The following LDAH variants were observed in gnomAD, a reference collection of about 807,000 sequenced individuals.
LDAH encodes lipid droplet-associated hydrolase.
A neutral mutation model predicts 29.6 loss-of-function variants in LDAH; 26 were observed. That is an observed-to-expected ratio of 0.88 (90% CI 0.64 to 1.22). The LOEUF (loss-of-function observed/expected upper bound fraction) is 1.22. LDAH is among the 50% of genes most tolerant of loss of function. The pLI is 0.00. For missense variants in LDAH, 344 were observed against 387.3 expected (o/e 0.89, Z 0.94); for synonymous variants, 117 against 133.0 (o/e 0.88, Z 0.83).
chr2:20,720,108 T>C (rs1359668495), intron 5 of LDAH, among the ~76,000 whole-genome samples: 2 of 151,998 alleles, frequency 1.3e-5, no homozygotes, highest in African/African-American at 4.8e-5. Context: ...AAGTCCTAGA[T>C]AGAGCAATTA....
At chr2:20,739,696 T>C (rs1255087103) in intron 5 of LDAH, among the ~76,000 whole-genome samples, 1 of 152,188 alleles carries the variant, frequency 6.6e-6, no homozygotes, top group Non-Finnish European at 1.5e-5. Context: ...ATATACTATG[T>C]ACTATATGCG....
chr2:20,821,533 A>G (rs1391553855), intron 1 of LDAH, among the ~76,000 whole-genome samples: 1 of 151,922 alleles, frequency 6.6e-6, no homozygotes, highest in Non-Finnish European at 1.5e-5. Context: ...ACCAAACACC[A>G]CATGTTCTCA....
In LDAH at chr2:20,687,127, A is replaced by C. The variant is rs1195489488; in HGVS notation, c.787-33T>G. ...ACAAGACAAAAACCTTTTATTAGAA[A>C]ACACGTTCCCTTCCTGACACAGATA... On this transcript the variant is annotated intron_variant, in intron 6 of 6. Coordinates refer to ENST00000237822, the MANE Select transcript of LDAH (RefSeq NM_021925.4). The C allele has an allele frequency of 1.9e-6, 3 of 1,570,044 alleles. No homozygotes were observed. In the African/African-American group the frequency reaches 4.1e-5, roughly 21 times the overall value.
chr2:20,731,883 T>A (rs1431296026), intron 5 of LDAH, among the ~76,000 whole-genome samples: 1 of 151,880 alleles, frequency 6.6e-6, no homozygotes, highest in African/African-American at 2.4e-5. Flanking sequence ...ATTTGATATA[T>A]TTTTATTCCC....
intron 6 of LDAH, among the ~76,000 whole-genome samples, chr2:20,689,520 G>GA (rs1440276006): frequency 6.6e-6 from 1 of 152,132 alleles, no homozygotes; most frequent in African/African-American, 2.4e-5. Context: ...TCCACTAGTA[G>GA]AAAAACACGT....
chr2:20,705,498 C>T lies in LDAH; in HGVS notation c.704-3846G>A, dbSNP rs987999006. ...TAATTTCTTCCCCTGTTTTCTCCAT[C>T]CCCTCTTTCTGGAACTCCTACTAGT... is the stretch of plus-strand genomic sequence containing the variant. On this transcript the variant is annotated intron_variant, in intron 5 of 6. Coordinates refer to ENST00000237822, the MANE Select transcript of LDAH (RefSeq NM_021925.4). Among the ~76,000 whole-genome samples, 10 of 152,124 alleles carry T rather than the reference C, an allele frequency of 6.6e-5. No homozygotes were observed. The East Asian group carries it at 1.5e-3, about 23-fold the overall frequency.
chr2:20,761,586 T>C (rs968405616), intron 4 of LDAH, among the ~76,000 whole-genome samples: 2 of 152,274 alleles, frequency 1.3e-5, no homozygotes, highest in Non-Finnish European at 2.9e-5. Flanking sequence ...CTTAAGAAGG[T>C]TGGTATTTAA....
chr2:20,715,296 T>G (rs1040500309), intron 5 of LDAH, among the ~76,000 whole-genome samples: 2 of 151,974 alleles, frequency 1.3e-5, no homozygotes, highest in African/African-American at 4.8e-5. Flanking sequence ...ATTATCTCAA[T>G]AGATGCGGAA....
intron 6 of LDAH, among the ~76,000 whole-genome samples, chr2:20,695,603 C>G (rs904573424): frequency 2.6e-5 from 4 of 152,174 alleles, no homozygotes; most frequent in African/African-American, 9.6e-5. Context: ...GCATGCACCA[C>G]CATGCCCGGC....
intron 6 of LDAH, 143 bp from the exon 7 acceptor site, chr2:20,687,237 C>A (rs1166056293): frequency 1.6e-6 from 1 of 611,870 alleles, no homozygotes; most frequent in African/African-American, 1.9e-5. Flanking sequence ...CAGAGTGTGG[C>A]TCTCTCAAGG....
intron 3 of LDAH, among the ~76,000 whole-genome samples, chr2:20,782,511 C>T (rs471633): frequency 0.029 from 4,409 of 152,246 alleles, 218 homozygotes; most frequent in African/African-American, 0.1. Context: ...CCTTATTCAG[C>T]TTTGGTGGTT....
intron 2 of LDAH, among the ~76,000 whole-genome samples, chr2:20,796,184 C>A (rs1173453119): frequency 6.6e-6 from 1 of 152,178 alleles, no homozygotes; most frequent in East Asian, 1.9e-4. Context: ...ATCTGGCTCT[C>A]CCCTGTAATG....
At chr2:20,715,226 A>G (rs1247606676) in intron 5 of LDAH, among the ~76,000 whole-genome samples, 1 of 152,252 alleles carries the variant, frequency 6.6e-6, no homozygotes, top group Non-Finnish European at 1.5e-5. Context: ...CTGTTTCAAC[A>G]TATGCAAATC....
chr2:20,713,409 C>A (rs1475854145), intron 5 of LDAH, among the ~76,000 whole-genome samples: 1 of 152,162 alleles, frequency 6.6e-6, no homozygotes, highest in African/African-American at 2.4e-5. Context: ...AAAGAAACAA[C>A]CGGTACCAGC....
chr2:20,694,547 T>C (rs909831592), intron 6 of LDAH, among the ~76,000 whole-genome samples: 3 of 152,240 alleles, frequency 2.0e-5, no homozygotes, highest in African/African-American at 7.2e-5. Context: ...CCTTGTTTCC[T>C]CTCTTCCGTT....
At position 20,801,393 on chromosome 2, in the gene LDAH, T is replaced by G; in HGVS notation, c.71A>C (p.Gln24Pro). The change falls in exon 2 of 7, where the codon CAG becomes CCG. Residue 24 changes from glutamine (Q) to proline (P), a missense_variant. Gln to Pro is a moderately conservative substitution (Grantham distance 76). Transcript: ENST00000237822. ...EFILCGGAET[Q>P]VLKCGPWTDL... is the part of the protein sequence containing the mutation. The stretch of plus-strand genomic sequence containing the variant: ...TGTCCAGGGCCCACATTTTAGAACC[T>G]GGGTTTCGGCTCCACCACACAAAAT... The G allele has an allele frequency of 6.2e-7, 1 of 1,614,168 alleles. No homozygotes were observed.
At chr2:20,717,607 A>T (rs561474990) in intron 5 of LDAH, among the ~76,000 whole-genome samples, 1 of 152,240 alleles carries the variant, frequency 6.6e-6, no homozygotes, top group Non-Finnish European at 1.5e-5. Flanking sequence ...TTTGATTTAC[A>T]TGCTTTTCTG....
Position 20,684,861 on chromosome 2 carries a change from A to C in LDAH, c.*2042T>G, listed in dbSNP as rs1331780176. ...AATGGATTTCTTCCACTGTTTGTCCATTTTAGTCTAATCCCTAATGAAACA... is the reference window on the plus strand; with the variant it reads ...AATGGATTTCTTCCACTGTTTGTCCCTTTTAGTCTAATCCCTAATGAAACA... On this transcript the variant is annotated 3_prime_UTR_variant, in exon 7 of 7. Coordinates refer to ENST00000237822, the MANE Select transcript of LDAH (RefSeq NM_021925.4). 6.5e-7 allele frequency: 1 copy of C among 1,545,464 alleles called. No homozygotes were observed. Among genetic ancestry groups the C allele is most frequent in the Admixed American group, 2.0e-5 (1 of 50,180 alleles).
chr2:20,806,714 T>C (rs1050395395), intron 1 of LDAH, among the ~76,000 whole-genome samples: 2 of 151,378 alleles, frequency 1.3e-5, no homozygotes, highest in African/African-American at 4.8e-5. Context: ...ATAATTAATA[T>C]AGAAATAAGC....
Sources: gnomAD v4.1 joint callset for allele counts (sites outside exome capture counted in the v4.1 genomes callset) on GRCh38, gnomAD v4.1.1 for gene constraint, MANE v1.5 for transcripts, NCBI Gene and HGNC (gene_info 2026-07-23, HGNC 2026-07-21) for gene names.